The following EPS8 variants were observed in gnomAD, a reference collection of about 807,000 sequenced individuals.
EPS8 encodes epidermal growth factor receptor kinase substrate 8.
EPS8 carries 42 observed loss-of-function variants against 103.8 expected under a neutral mutation model. The ratio of observed to expected loss-of-function variants is 0.40; its 90% CI spans 0.32 to 0.52. The LOEUF is 0.52. Ranked by LOEUF, EPS8 falls within the 20% of genes least tolerant of loss-of-function variation. The pLI is 0.40. For synonymous variants in EPS8, 344 were observed against 344.6 expected (o/e 1.00, Z 0.02); for missense variants, 969 against 1,005.1 (o/e 0.96, Z 0.49).
At chr12:15,732,916 T>C (rs1946732945) in intron 1 of EPS8, among the ~76,000 whole-genome samples, 1 of 152,162 alleles carries the variant, frequency 6.6e-6, no homozygotes, top group South Asian at 2.1e-4. Context: ...GAGGAAAATA[T>C]AACGTTTTCT....
Position 15,714,246 on chromosome 12 carries a change from T to C in EPS8, c.-21-31274A>G, listed in dbSNP as rs1213201237. On this transcript the variant is annotated intron_variant, in intron 1 of 20. Coordinates refer to ENST00000281172, the MANE Select transcript of EPS8 (RefSeq NM_004447.6). This position sits in a 1 kb window ranked among gnomAD's most constrained non-coding sequence, Gnocchi z 4.1. ...TTAATATGAAGACACCAAAAAAGTA[T>C]ATTTAAATTATTAAAGAAATGGAGA... is the stretch of plus-strand genomic sequence containing the variant. Among the ~76,000 whole-genome samples the C allele has an allele frequency of 6.6e-6, 1 of 152,022 alleles. No individual in the cohort carries two copies. Among genetic ancestry groups the C allele is most frequent in the Non-Finnish European group, 1.5e-5 (1 of 67,996 alleles).
intron 1 of EPS8, among the ~76,000 whole-genome samples, chr12:15,768,290 T>C (rs1014473034): frequency 1.3e-4 from 19 of 151,728 alleles, no homozygotes; most frequent in Admixed American, 8.5e-4. Flanking sequence ...ATACAAAAAT[T>C]AGCCGGGCGT....
At chr12:15,719,049 A>G (rs1946564574) in intron 1 of EPS8, among the ~76,000 whole-genome samples, 1 of 152,106 alleles carries the variant, frequency 6.6e-6, no homozygotes, top group Non-Finnish European at 1.5e-5. Context: ...AGGAAGAGAA[A>G]GGGGCAAATC....
chr12:15,703,630 T>C (rs1263128257), intron 1 of EPS8, among the ~76,000 whole-genome samples: 1 of 151,474 alleles, frequency 6.6e-6, no homozygotes, highest in East Asian at 1.9e-4. Context: ...GTAGAGCATA[T>C]AAAGGAATTT....
rs1451521154 is a variant in EPS8, at chr12:15,736,069, T to C, written c.-22+53092A>G. ...CCCAGCTAATTTTTAAATTCTTTTG[T>C]AGAGATAAGGTCTCACTATGTTGCC... On this transcript the variant is annotated intron_variant, in intron 1 of 20. Transcript: ENST00000281172. The surrounding 1 kb of genome is among the most constrained non-coding windows in gnomAD (Gnocchi z 4.2). 1.3e-5 allele frequency among the ~76,000 whole-genome samples: 2 copies of C among 152,098 alleles called. No homozygotes were observed. The highest frequency in any genetic ancestry group is 1.5e-5 in the Non-Finnish European group (1 of 68,028).
chr12:15,770,369 T>A (rs1158808434), intron 1 of EPS8, among the ~76,000 whole-genome samples: 1 of 150,950 alleles, frequency 6.6e-6, no homozygotes, highest in Non-Finnish European at 1.5e-5. Context: ...CTATTAAAAA[T>A]ATTTATAATT....
At position 15,721,981 on chromosome 12, in the gene EPS8, T is replaced by A. The variant is rs1182330867; in HGVS notation, c.-21-39009A>T. Reference sequence around the variant, plus strand: ...TTTTTAATGCATACATACTTTTTTTTTTCAAAGGGGGCTACTGTCTGTCTG... The same window carrying A: ...TTTTTAATGCATACATACTTTTTTTATTCAAAGGGGGCTACTGTCTGTCTG... On this transcript the variant is annotated intron_variant, in intron 1 of 20. Coordinates refer to ENST00000281172, the MANE Select transcript of EPS8 (RefSeq NM_004447.6). This position sits in a 1 kb window ranked among gnomAD's most constrained non-coding sequence, Gnocchi z 4.4. Among the ~76,000 whole-genome samples the A allele has an allele frequency of 6.6e-6, 1 of 151,832 alleles. No individual in the cohort carries two copies. Among genetic ancestry groups the A allele is most frequent in the Non-Finnish European group, 1.5e-5 (1 of 67,962 alleles).
In EPS8 at chr12:15,738,970, G is replaced by A. The variant is rs775891789; in HGVS notation, c.-22+50191C>T. Among the ~76,000 whole-genome samples, 12 of 152,114 alleles carry A rather than the reference G, an allele frequency of 7.9e-5. No homozygotes were observed. The highest frequency in any genetic ancestry group is 1.6e-4 in the Non-Finnish European group (11 of 68,024). On this transcript the variant is annotated intron_variant, in intron 1 of 20. Transcript: ENST00000281172. The surrounding 1 kb of genome is among the most constrained non-coding windows in gnomAD (Gnocchi z 6.2). ...TTATTCTGACCCCTTAGTCCATGCA[G>A]GCATGTCTATGCAGATTGCTCTAAT...
In EPS8 at chr12:15,675,955, T is replaced by C. The variant is rs1473018106; in HGVS notation, c.137-5032A>G. On this transcript the variant is annotated intron_variant, in intron 3 of 20. Transcript: ENST00000281172. ...ATGTCTATACATTAACACGTGCATA[T>C]TTTAACATACAGACTCTAGTGGAAA... Among the ~76,000 whole-genome samples the C allele has an allele frequency of 2.0e-5, 3 of 152,124 alleles. No individual in the cohort carries two copies. In the East Asian group the frequency reaches 5.8e-4, roughly 29 times the overall value.
chr12:15,723,341 G>A (rs1342573048), intron 1 of EPS8, among the ~76,000 whole-genome samples: 1 of 152,062 alleles, frequency 6.6e-6, no homozygotes, highest in Non-Finnish European at 1.5e-5. Context: ...TTTTCAATCT[G>A]ATAGAGGAAA....
rs188960680 is a variant in EPS8 at position 15,700,125 on chromosome 12, A to G, written c.-21-17153T>C. ...AGCTGAGATCATGCCTCTGCACTGCAGCCTGGGGGACAGAATGAGACTCCA... is the reference window on the plus strand; with the variant it reads ...AGCTGAGATCATGCCTCTGCACTGCGGCCTGGGGGACAGAATGAGACTCCA... On this transcript the variant is annotated intron_variant, in intron 1 of 20. Coordinates refer to ENST00000281172, the MANE Select transcript of EPS8 (RefSeq NM_004447.6). This position sits in a 1 kb window ranked among gnomAD's most constrained non-coding sequence, Gnocchi z 5.1. Among the ~76,000 whole-genome samples, 88 of 152,346 alleles carry G rather than the reference A, an allele frequency of 5.8e-4. 1 individual carries two copies. Among genetic ancestry groups the G allele is most frequent in the African/African-American group, 2.0e-3 (84 of 41,586 alleles).
intron 1 of EPS8, among the ~76,000 whole-genome samples, chr12:15,773,032 G>A (rs1286486374): frequency 6.6e-6 from 1 of 152,176 alleles, no homozygotes; most frequent in South Asian, 2.1e-4. Context: ...GCTCGCTGAT[G>A]TAGGAGAAGT....
rs189859754 is a variant in EPS8, at chr12:15,648,697, A to G, written c.1435-1437T>C. On this transcript the variant is annotated intron_variant, in intron 14 of 20. Coordinates refer to ENST00000281172, the MANE Select transcript of EPS8 (RefSeq NM_004447.6). ...CCACACCTTTTGCCCAGCTCTGAAC[A>G]TAACAGTGAAGTCAGCAGTAGGAAA... is the stretch of plus-strand genomic sequence containing the variant. 2.1e-3 allele frequency among the ~76,000 whole-genome samples: 321 copies of G among 152,322 alleles called. 4 individuals are homozygous for G. Among genetic ancestry groups the G allele is most frequent in the African/African-American group, 7.2e-3 (298 of 41,580 alleles).
chr12:15,623,395 T>C (rs2135709532), intron 19 of EPS8, 108 bp from the exon 20 acceptor site: 1 of 972,720 alleles, frequency 1.0e-6, no homozygotes, highest in East Asian at 2.5e-5. Flanking sequence ...AAGCGTTCCA[T>C]ACCCTGGAAC....
At chr12:15,664,347 T>C (rs1043837951) in intron 8 of EPS8, among the ~76,000 whole-genome samples, 1 of 152,074 alleles carries the variant, frequency 6.6e-6, no homozygotes, top group African/African-American at 2.4e-5. Context: ...TCGGCTTACA[T>C]TTCAACCTCT....
intron 1 of EPS8, among the ~76,000 whole-genome samples, chr12:15,788,550 A>G (rs149190328): frequency 0.021 from 3,222 of 152,346 alleles, 52 homozygotes; most frequent in Middle Eastern, 0.048. Context: ...AAATGCATGA[A>G]CTGACCACAA....
Position 15,701,971 on chromosome 12 carries a change from A to G in EPS8, c.-21-18999T>C, listed in dbSNP as rs187411151. Among the ~76,000 whole-genome samples, 24 of 152,360 alleles carry G rather than the reference A, an allele frequency of 1.6e-4. No individual in the cohort carries two copies. The highest frequency in any genetic ancestry group is 9.1e-4 in the Admixed American group (14 of 15,308). On this transcript the variant is annotated intron_variant, in intron 1 of 20. Transcript: ENST00000281172. The surrounding 1 kb of genome is among the most constrained non-coding windows in gnomAD (Gnocchi z 5.1). ...ATCCTTTTAGATGTCAAGTCAGCTA[A>G]TAAGTATTCACTCATATTTATAACT...
At position 15,762,227 on chromosome 12, in the gene EPS8, C is replaced by A. The variant is rs1947049118; in HGVS notation, c.-22+26934G>T. Among the ~76,000 whole-genome samples the A allele has an allele frequency of 6.6e-6, 1 of 152,122 alleles. No homozygotes were observed. Reference sequence around the variant, plus strand: ...ATCAGAGAAATGCAAATTAAAACTACAATAAGATATCATCTCATGCTAGTT... The same window carrying A: ...ATCAGAGAAATGCAAATTAAAACTAAAATAAGATATCATCTCATGCTAGTT... On this transcript the variant is annotated intron_variant, in intron 1 of 20. Coordinates refer to ENST00000281172, the MANE Select transcript of EPS8 (RefSeq NM_004447.6). This position sits in a 1 kb window ranked among gnomAD's most constrained non-coding sequence, Gnocchi z 4.8.
At position 15,771,916 on chromosome 12, in the gene EPS8, A is replaced by G. The variant is rs1392841267; in HGVS notation, c.-22+17245T>C. Among the ~76,000 whole-genome samples the G allele has an allele frequency of 1.3e-5, 2 of 152,018 alleles. No individual in the cohort carries two copies. Among genetic ancestry groups the G allele is most frequent in the African/African-American group, 4.8e-5 (2 of 41,388 alleles). Reference sequence around the variant, plus strand: ...GAGGTGGGTGGATCACGAGGTCAGGAGATCGAGACCATCCTGGCTAATGCG... The same window carrying G: ...GAGGTGGGTGGATCACGAGGTCAGGGGATCGAGACCATCCTGGCTAATGCG... On this transcript the variant is annotated intron_variant, in intron 1 of 20. Transcript: ENST00000281172. This position sits in a 1 kb window ranked among gnomAD's most constrained non-coding sequence, Gnocchi z 4.6.
Sources: allele counts gnomAD v4.1 joint callset (sites outside exome capture counted in the v4.1 genomes callset), GRCh38; gene constraint gnomAD v4.1.1; non-coding constraint Gnocchi (gnomAD v3.1); transcripts MANE v1.5; gene names NCBI Gene and HGNC (gene_info 2026-07-23, HGNC 2026-07-21).